Variants in SLC20A2 observed in about 807,000 individuals in gnomAD.
SLC20A2 encodes the protein solute carrier family 20 member 2, also known as sodium-dependent phosphate transporter 2.
Under a neutral mutation model 61.0 loss-of-function variants are expected in SLC20A2, and 30 were observed. The ratio of observed to expected loss-of-function variants is 0.49; its 90% CI spans 0.37 to 0.67. The LOEUF is 0.67. Among genes scored for constraint, SLC20A2 ranks in the 30% least tolerant of loss-of-function variants. The probability of loss-of-function intolerance (pLI) is 0.00; values close to 1 mark genes in which losing one functional copy is unlikely to be tolerated. For synonymous variants in SLC20A2, 351 were observed against 353.3 expected (o/e 0.99, Z 0.07); for missense variants, 626 against 866.4 (o/e 0.72, Z 3.48).
intron 1 of SLC20A2, among the ~76,000 whole-genome samples, chr8:42,477,027 G>A (rs141430391): frequency 0.023 from 3,554 of 152,312 alleles, 51 homozygotes; most frequent in Admixed American, 0.037. Flanking sequence ...AATATGTGGT[G>A]ACTGTTACCA....
At chr8:42,451,928 T>G (rs1243865017) in intron 5 of SLC20A2, among the ~76,000 whole-genome samples, 8 of 74,708 alleles carry the variant, frequency 1.1e-4, no homozygotes, top group Admixed American at 1.9e-4. Context: ...GAGGAAGAGA[T>G]GAAGAGGAGG....
intron 1 of SLC20A2, among the ~76,000 whole-genome samples, chr8:42,489,557 T>C (rs1038422850): frequency 6.6e-6 from 1 of 151,882 alleles, no homozygotes; most frequent in Admixed American, 6.6e-5. Context: ...ATACTCCCAC[T>C]TCCCAGAGGC....
chr8:42,532,319 T>C (rs1423471090), intron 1 of SLC20A2, among the ~76,000 whole-genome samples: 2 of 152,134 alleles, frequency 1.3e-5, no homozygotes, highest in Non-Finnish European at 2.9e-5. Context: ...TAACAATGAG[T>C]CCTTTTATAG....
chr8:42,443,584 C>A (rs1804971547), intron 6 of SLC20A2, among the ~76,000 whole-genome samples: 1 of 151,918 alleles, frequency 6.6e-6, no homozygotes, highest in Non-Finnish European at 1.5e-5. Context: ...CATGCCTCGG[C>A]CTCCCAAAGT....
rs185042706 is a variant in SLC20A2 at position 42,499,528 on chromosome 8, C to T, written c.-265+1503G>A. ...CTAGTAGTAGAAAAACCTACAGAAA[C>T]GTCTGTGAAATTAAACAATGGATAA... On this transcript the variant is annotated intron_variant, in intron 1 of 10. Coordinates refer to ENST00000520262, the MANE Select transcript of SLC20A2 (RefSeq NM_001257180.2). Among the ~76,000 whole-genome samples, 169 of 152,244 alleles carry T rather than the reference C, an allele frequency of 1.1e-3. 4 individuals are homozygous for T. Among genetic ancestry groups the T allele is most frequent in the Middle Eastern group, 3.4e-3 (1 of 294 alleles).
At chr8:42,527,128 G>A (rs971885927) in intron 1 of SLC20A2, among the ~76,000 whole-genome samples, 14 of 150,934 alleles carry the variant, frequency 9.3e-5, no homozygotes, top group South Asian at 2.1e-4. Context: ...AAAGTGGGCC[G>A]GGTGTGGTGG....
At chr8:42,469,113 G>C (rs769900707) in intron 2 of SLC20A2, among the ~76,000 whole-genome samples, 2 of 152,168 alleles carry the variant, frequency 1.3e-5, no homozygotes, top group Non-Finnish European at 2.9e-5. Flanking sequence ...TAAGGACAGA[G>C]GGAAAGAGGG....
intron 5 of SLC20A2, among the ~76,000 whole-genome samples, chr8:42,450,170 A>G (rs754057313): frequency 8.6e-5 from 13 of 151,918 alleles, no homozygotes; most frequent in East Asian, 1.9e-4. Context: ...AATTTGCTCT[A>G]TAAGTAAAAA....
intron 2 of SLC20A2, among the ~76,000 whole-genome samples, chr8:42,466,701 C>T (rs1376899434): frequency 1.3e-5 from 2 of 152,046 alleles, no homozygotes; most frequent in African/African-American, 4.8e-5. Flanking sequence ...GACAGCGTCT[C>T]ACTCTTGCCC....
chr8:42,482,714 C>T (rs1329993493), intron 1 of SLC20A2, among the ~76,000 whole-genome samples: 3 of 147,938 alleles, frequency 2.0e-5, no homozygotes, highest in Admixed American at 1.4e-4. Flanking sequence ...AGAGTAGGAC[C>T]CTGTCTTTAA....
At chr8:42,540,645 A>G (rs1284426765) in intron 1 of SLC20A2, among the ~76,000 whole-genome samples, 3 of 152,246 alleles carry the variant, frequency 2.0e-5, no homozygotes, top group Non-Finnish European at 4.4e-5. Flanking sequence ...CTTGTTAAGA[A>G]GTGTTCAATG....
intron 1 of SLC20A2, among the ~76,000 whole-genome samples, chr8:42,540,052 G>A (rs1159926624): frequency 3.3e-5 from 5 of 152,210 alleles, no homozygotes; most frequent in Admixed American, 1.3e-4. Flanking sequence ...AGCACTTTGG[G>A]AGGCCGAGGC....
chr8:42,524,010 A>G (rs1277196153), intron 1 of SLC20A2, among the ~76,000 whole-genome samples: 1 of 152,226 alleles, frequency 6.6e-6, no homozygotes, highest in Non-Finnish European at 1.5e-5. Context: ...GGCCTCGAAG[A>G]ACTCAAATAG....
chr8:42,532,944 G>GTTC, intron 1 of SLC20A2, among the ~76,000 whole-genome samples: 1 of 152,310 alleles, frequency 6.6e-6, no homozygotes, highest in Non-Finnish European at 1.5e-5. Context: ...GAATCATGGA[G>GTTC]AAGGGAGGGA....
chr8:42,489,699 G>A (rs562482203), intron 1 of SLC20A2, among the ~76,000 whole-genome samples: 12 of 152,230 alleles, frequency 7.9e-5, no homozygotes, highest in Admixed American at 2.6e-4. Context: ...AGTCTAACTC[G>A]CTAGGGATCA....
At chr8:42,534,831 C>T (rs1812604501) in intron 1 of SLC20A2, 1 of 152,222 alleles carries the variant, frequency 6.6e-6, no homozygotes, top group Non-Finnish European at 1.5e-5. Flanking sequence ...GGACCAACAT[C>T]CCAGTGAACT....
chr8:42,456,262 G>C (rs923851965), intron 5 of SLC20A2, among the ~76,000 whole-genome samples: 1 of 152,122 alleles, frequency 6.6e-6, no homozygotes, highest in East Asian at 1.9e-4. Context: ...ATAAAATGCA[G>C]AAACGAAAAA....
intron 10 of SLC20A2, among the ~76,000 whole-genome samples, chr8:42,426,749 A>G (rs1160368187): frequency 6.6e-6 from 1 of 152,214 alleles, no homozygotes; most frequent in Admixed American, 6.5e-5. Flanking sequence ...CAACTGGTGT[A>G]GAAGAGTCTG....
At chr8:42,511,918 C>T (rs1811056519) in intron 1 of SLC20A2, among the ~76,000 whole-genome samples, 1 of 152,038 alleles carries the variant, frequency 6.6e-6, no homozygotes, top group South Asian at 2.1e-4. Flanking sequence ...GAAGGATCAA[C>T]AACTCAGCTC....
Sources: allele counts gnomAD v4.1 joint callset (sites outside exome capture counted in the v4.1 genomes callset), GRCh38; gene constraint gnomAD v4.1.1; transcripts MANE v1.5; gene names NCBI Gene and HGNC (gene_info 2026-07-23, HGNC 2026-07-21).